The following LSAMP variants were observed in gnomAD, a reference collection of about 807,000 sequenced individuals.
The protein encoded by LSAMP is limbic system-associated membrane protein.
A neutral mutation model predicts 38.6 loss-of-function variants in LSAMP; 7 were observed. That is an observed-to-expected ratio of 0.18 (90% CI 0.10 to 0.34). LSAMP has a LOEUF of 0.34. Ranked by LOEUF, LSAMP falls within the 10% of genes least tolerant of loss-of-function variation. The pLI is 1.00. For missense variants in LSAMP, 313 were observed against 420.0 expected, an observed-to-expected ratio of 0.75 and a Z score of 2.23; for synonymous variants, 154 against 166.8, an observed-to-expected ratio of 0.92 and a Z score of 0.59.
intron 1 of LSAMP, among the ~76,000 whole-genome samples, chr3:116,230,227 A>G (rs1417255151): frequency 6.6e-6 from 1 of 151,710 alleles, no homozygotes; most frequent in African/African-American, 2.4e-5. Context: ...TGGGTAGAAT[A>G]CTTTTTTTTT....
At chr3:116,331,845 CTTTTCTTTTT>C (rs1294434485) in intron 1 of LSAMP, among the ~76,000 whole-genome samples, 2 of 151,734 alleles carry the variant, frequency 1.3e-5, no homozygotes, top group African/African-American at 4.8e-5. Context: ...CTTTTCTTTT[CTTTTCTTTTT>C]TTAGAGGCAG....
At chr3:115,960,068 C>G (rs191851087) in intron 3 of LSAMP, among the ~76,000 whole-genome samples, 86 of 152,272 alleles carry the variant, frequency 5.6e-4, no homozygotes, top group African/African-American at 1.9e-3. Context: ...CTCTTATGAG[C>G]TGAATTGTGT....
intron 2 of LSAMP, among the ~76,000 whole-genome samples, chr3:116,040,859 G>A (rs1262071103): frequency 6.6e-6 from 1 of 152,106 alleles, no homozygotes; most frequent in Non-Finnish European, 1.5e-5. Context: ...ATCCTTCTGA[G>A]TTGCTAGAAC....
chr3:116,285,997 A>G (rs1272226532), intron 1 of LSAMP, among the ~76,000 whole-genome samples: 2 of 152,196 alleles, frequency 1.3e-5, no homozygotes, highest in East Asian at 1.9e-4. Context: ...AAAGAGGACA[A>G]AGACTGTGGG....
chr3:116,426,807 G>C (rs1272214494), intron 1 of LSAMP, among the ~76,000 whole-genome samples: 1 of 151,862 alleles, frequency 6.6e-6, no homozygotes, highest in African/African-American at 2.4e-5. Flanking sequence ...AGCATAGTGA[G>C]GTTATACGTA....
intron 3 of LSAMP, among the ~76,000 whole-genome samples, chr3:115,940,883 GTTC>G (rs1395649095): frequency 6.6e-6 from 1 of 152,112 alleles, no homozygotes; most frequent in Admixed American, 6.6e-5. Context: ...AAGAAGCTTT[GTTC>G]TTCTTTCTCA....
chr3:115,952,666 A>G (rs948700863), intron 3 of LSAMP, among the ~76,000 whole-genome samples: 6 of 152,178 alleles, frequency 3.9e-5, no homozygotes, highest in Non-Finnish European at 7.3e-5. Context: ...ATCACTACTG[A>G]AGAACTTATC....
intron 3 of LSAMP, among the ~76,000 whole-genome samples, chr3:115,949,974 TAAAAAC>T (rs1196929578): frequency 6.6e-6 from 1 of 151,868 alleles, no homozygotes; most frequent in Non-Finnish European, 1.5e-5. Context: ...TAAACAGAAT[TAAAAAC>T]AAAAACCGTA....
chr3:116,323,641 A>T (rs1245039921), intron 1 of LSAMP, among the ~76,000 whole-genome samples: 1 of 152,094 alleles, frequency 6.6e-6, no homozygotes, highest in Non-Finnish European at 1.5e-5. Flanking sequence ...TGTTTGTCTC[A>T]GATTCATAGG....
intron 3 of LSAMP, among the ~76,000 whole-genome samples, chr3:115,962,531 ACTAT>A (rs1237450020): frequency 2.0e-5 from 3 of 152,318 alleles, no homozygotes; most frequent in Admixed American, 6.5e-5. Context: ...TATCAATCTC[ACTAT>A]CTATTTGCAA....
intron 1 of LSAMP, among the ~76,000 whole-genome samples, chr3:116,199,887 G>A (rs2045966590): frequency 1.3e-5 from 2 of 152,080 alleles, no homozygotes; most frequent in South Asian, 4.2e-4. Context: ...AAGGAAAGGT[G>A]AATCTATAGA....
intron 3 of LSAMP, among the ~76,000 whole-genome samples, chr3:115,861,133 CCTTCCTTCCTTCCTT>C: frequency 1.9e-4 from 1 of 5,220 alleles, no homozygotes; most frequent in East Asian, 0.016. Flanking sequence ...TTCTTTCTTT[CCTTCCTTCCTTCCTT>C]CCTTCCTTCC....
intron 6 of LSAMP, among the ~76,000 whole-genome samples, chr3:115,824,721 AAAAAAAGAACTAGCTTCCGGACCT>A (rs1282023650): frequency 1.3e-5 from 2 of 151,970 alleles, no homozygotes; most frequent in African/African-American, 4.8e-5. Context: ...AAAAAAAAAA[AAAAAAAGAACTAGCTTCCGGACCT>A]AAATCTACTT....
At chr3:115,886,096 C>CA (rs1245725497) in intron 3 of LSAMP, among the ~76,000 whole-genome samples, 1 of 151,718 alleles carries the variant, frequency 6.6e-6, no homozygotes, top group Non-Finnish European at 1.5e-5. Flanking sequence ...TGTTTAAGCT[C>CA]AAAAAAAGAG....
intron 1 of LSAMP, among the ~76,000 whole-genome samples, chr3:116,382,970 A>G (rs539414091): frequency 6.6e-6 from 1 of 152,316 alleles, no homozygotes; most frequent in African/African-American, 2.4e-5. Context: ...TGTTCTGTCC[A>G]TAAATGTTAA....
chr3:116,400,328 T>C (rs898720806), intron 1 of LSAMP, among the ~76,000 whole-genome samples: 3 of 152,142 alleles, frequency 2.0e-5, no homozygotes, highest in African/African-American at 7.2e-5. Context: ...CAGCACCACT[T>C]TGAGCCAAGT....
chr3:115,957,263 T>C (rs1354562761), intron 3 of LSAMP, among the ~76,000 whole-genome samples: 1 of 152,188 alleles, frequency 6.6e-6, no homozygotes, highest in Non-Finnish European at 1.5e-5. Flanking sequence ...AGAAGTCCCT[T>C]TCATACCACA....
intron 3 of LSAMP, among the ~76,000 whole-genome samples, chr3:115,957,604 G>A (rs1283574185): frequency 2.0e-5 from 3 of 152,130 alleles, no homozygotes; most frequent in East Asian, 1.9e-4. Context: ...TATGCTTTGA[G>A]CTGAGACAAA....
intron 1 of LSAMP, among the ~76,000 whole-genome samples, chr3:116,162,286 G>A (rs1292153749): frequency 6.6e-6 from 1 of 152,048 alleles, no homozygotes; most frequent in African/African-American, 2.4e-5. Flanking sequence ...GTTTGGTGTT[G>A]GTGAAATTTC....
Sources: allele counts gnomAD v4.1 joint callset (sites outside exome capture counted in the v4.1 genomes callset), GRCh38; gene constraint gnomAD v4.1.1; transcripts MANE v1.5; gene names NCBI Gene and HGNC (gene_info 2026-07-23, HGNC 2026-07-21).